The following ABCC4 variants were observed in gnomAD, a reference collection of about 807,000 sequenced individuals.
The protein encoded by ABCC4 is ATP binding cassette subfamily C member 4 (PEL blood group), also known as ATP-binding cassette sub-family C member 4.
In ABCC4, 102 loss-of-function variants were observed where a neutral mutation model predicts 168.5. The ratio of observed to expected loss-of-function variants is 0.61; its 90% CI spans 0.52 to 0.71. ABCC4 has a LOEUF of 0.71. ABCC4 is among the 30% of genes least tolerant of loss of function. The probability of loss-of-function intolerance (pLI) is 0.00; values close to 1 mark genes in which losing one functional copy is unlikely to be tolerated. For synonymous variants in ABCC4, 617 were observed against 590.7 expected (o/e 1.04, Z -0.65); for missense variants, 1,402 against 1,605.8 (o/e 0.87, Z 2.17).
chr13:95,046,043 CT>C (rs2032561893), intron 27 of ABCC4, among the ~76,000 whole-genome samples: 1 of 152,090 alleles, frequency 6.6e-6, no homozygotes, highest in Non-Finnish European at 1.5e-5. Flanking sequence ...AAATGTTACC[CT>C]GAAAATTATA....
At chr13:95,053,254 A>C (rs1230202684) in intron 26 of ABCC4, 70 bp from the exon 27 acceptor site, 1 of 1,182,226 alleles carries the variant, frequency 8.5e-7, no homozygotes, top group Non-Finnish European at 1.3e-6. Context: ...GCTAACATCA[A>C]CAATAGAATT....
chr13:95,026,888 C>CAAAA (rs35654581), intron 30 of ABCC4, among the ~76,000 whole-genome samples: 13 of 142,648 alleles, frequency 9.1e-5, no homozygotes, highest in African/African-American at 3.4e-4. Flanking sequence ...GACCCTGTCT[C>CAAAA]AAAAAAAAAA....
chr13:95,113,345 G>A (rs1177513610), intron 20 of ABCC4, among the ~76,000 whole-genome samples: 1 of 152,118 alleles, frequency 6.6e-6, no homozygotes, highest in Non-Finnish European at 1.5e-5. Context: ...AGAGCTAATA[G>A]GCTTCTAATT....
intron 1 of ABCC4, among the ~76,000 whole-genome samples, chr13:95,296,889 T>C (rs1454672978): frequency 2.0e-5 from 3 of 152,010 alleles, no homozygotes; most frequent in Non-Finnish European, 4.4e-5. Context: ...GAAAACGAGC[T>C]GTTTGGGGAA....
At chr13:95,246,704 C>A (rs1176889707) in intron 3 of ABCC4, among the ~76,000 whole-genome samples, 1 of 152,204 alleles carries the variant, frequency 6.6e-6, no homozygotes, top group Admixed American at 6.5e-5. Flanking sequence ...AAATACTCTT[C>A]TTCCATGACA....
chr13:95,294,582 G>A (rs147308278), intron 1 of ABCC4, among the ~76,000 whole-genome samples: 10 of 152,274 alleles, frequency 6.6e-5, no homozygotes, highest in East Asian at 1.9e-4. Context: ...TCGTGGAAGC[G>A]AGACACCTTT....
At chr13:95,272,316 A>G (rs2040867159) in intron 1 of ABCC4, among the ~76,000 whole-genome samples, 1 of 152,146 alleles carries the variant, frequency 6.6e-6, no homozygotes, top group Non-Finnish European at 1.5e-5. Flanking sequence ...GTGGGATTAC[A>G]GGTGTGAGCC....
At chr13:95,157,141 A>T (rs2036895299) in intron 19 of ABCC4, among the ~76,000 whole-genome samples, 1 of 138,290 alleles carries the variant, frequency 7.2e-6, no homozygotes, top group Non-Finnish European at 1.5e-5. Flanking sequence ...AACAGTCACC[A>T]TTTGTCCACT....
intron 29 of ABCC4, among the ~76,000 whole-genome samples, chr13:95,042,200 T>A (rs2139238830): frequency 6.6e-6 from 1 of 152,264 alleles, no homozygotes; most frequent in East Asian, 1.9e-4. Context: ...TTCTTCCGGG[T>A]CTTCCTCATT....
intron 1 of ABCC4, chr13:95,266,192 C>T (rs1566583073): frequency 6.6e-6 from 1 of 152,232 alleles, no homozygotes; most frequent in Admixed American, 6.5e-5. Flanking sequence ...GGAGTGAAGA[C>T]ATCATCCTGG....
At chr13:95,163,287 G>T in intron 17 of ABCC4, 71 bp from the exon 18 acceptor site, 1 of 1,091,808 alleles carries the variant, frequency 9.2e-7, no homozygotes, top group Non-Finnish European at 1.3e-6. Flanking sequence ...TTTTAAAAAT[G>T]AACCACAATT....
chr13:95,095,952 T>C (rs985792261), intron 20 of ABCC4: 3 of 391,912 alleles, frequency 7.7e-6, no homozygotes, highest in African/African-American at 4.1e-5. Flanking sequence ...AATAGGTGCT[T>C]ACCCAAATGA....
intron 9 of ABCC4, among the ~76,000 whole-genome samples, chr13:95,192,169 T>A (rs1268982034): frequency 1.3e-5 from 2 of 152,154 alleles, no homozygotes; most frequent in Non-Finnish European, 2.9e-5. Context: ...CCTAGGCTGG[T>A]GAGAAGACCT....
chr13:95,091,903 A>G (rs1427568090), intron 20 of ABCC4, among the ~76,000 whole-genome samples: 1 of 152,154 alleles, frequency 6.6e-6, no homozygotes, highest in Non-Finnish European at 1.5e-5. Flanking sequence ...TCACCAACCA[A>G]TCTGCTGCCT....
chr13:95,299,478 G>A (rs1057341134), intron 1 of ABCC4, among the ~76,000 whole-genome samples: 4 of 152,010 alleles, frequency 2.6e-5, no homozygotes, highest in Admixed American at 6.6e-5. Flanking sequence ...CATCCTCTTG[G>A]AATCCCCTAG....
chr13:95,177,657 C>T (rs369958380), intron 13 of ABCC4, 50 bp downstream of exon 13: 46 of 1,527,192 alleles, frequency 3.0e-5, no homozygotes, highest in Middle Eastern at 1.7e-4. Context: ...TGAGCCAACT[C>T]GAAATGGCTC....
In ABCC4 at chr13:95,115,862, C is replaced by G. The variant is rs575856883; in HGVS notation, c.2535+60G>C. 4 of 1,461,320 alleles carry G rather than the reference C, an allele frequency of 2.7e-6. No individual in the cohort carries two copies. The African/African-American group carries it at 5.6e-5, about 21-fold the overall frequency. The allele number at this position is 1,461,320 out of a possible 1,614,324, so 90.5% of individuals were successfully genotyped here. ...CCACCCCCAGACCCCATGAAAAGGG[C>G]TTGAAAAAATAGGAACTTCCGTTTT... On this transcript the variant is annotated intron_variant, in intron 20 of 30. Coordinates refer to ENST00000645237, the MANE Select transcript of ABCC4 (RefSeq NM_005845.5).
intron 8 of ABCC4, among the ~76,000 whole-genome samples, chr13:95,203,293 G>A (rs1190936556): frequency 1.3e-5 from 2 of 150,916 alleles, no homozygotes; most frequent in African/African-American, 4.9e-5. Context: ...ATGGCCCAAG[G>A]AAAGTCCATT....
chr13:95,139,284 GT>G (rs1452239146), intron 19 of ABCC4, among the ~76,000 whole-genome samples: 80 of 152,220 alleles, frequency 5.3e-4, no homozygotes, highest in African/African-American at 1.8e-3. Context: ...GACCAGTGTT[GT>G]GGCTGGGCAG....
Sources: gnomAD v4.1 joint callset for allele counts (sites outside exome capture counted in the v4.1 genomes callset) on GRCh38, gnomAD v4.1.1 for gene constraint, MANE v1.5 for transcripts, NCBI Gene and HGNC (gene_info 2026-07-23, HGNC 2026-07-21) for gene names.